SYNE2: variants seen among roughly 807,000 people sequenced by gnomAD.
The protein encoded by SYNE2 is spectrin repeat containing nuclear envelope protein 2.
SYNE2 carries 431 observed loss-of-function variants against 856.3 expected under a neutral mutation model. The ratio of observed to expected loss-of-function variants is 0.50; its 90% CI spans 0.47 to 0.55. SYNE2 has a LOEUF of 0.55. Among genes scored for constraint, SYNE2 ranks in the 20% least tolerant of loss-of-function variants. SYNE2 has a pLI of 0.00. For missense variants in SYNE2, 8,129 were observed against 8,023.2 expected (o/e 1.01, Z -0.50); for synonymous variants, 2,923 against 2,872.3 (o/e 1.02, Z -0.56).
In SYNE2 at chr14:63,986,622, G is replaced by A; in HGVS notation, c.2313+5G>A. 1 of 1,613,866 alleles carries A rather than the reference G, an allele frequency of 6.2e-7. No individual in the cohort carries two copies. The highest frequency in any genetic ancestry group is 8.5e-7 in the Non-Finnish European group (1 of 1,179,824). Reference sequence around the variant, plus strand: ...TCAATGGAAGAATCTTTGAAGGTATGTGTGTAAAAGTATTAAGAGGGTACT... The same window carrying A: ...TCAATGGAAGAATCTTTGAAGGTATATGTGTAAAAGTATTAAGAGGGTACT... On this transcript the variant is annotated splice_donor_5th_base_variant and intron_variant, in intron 19 of 115. Coordinates refer to ENST00000555002, the MANE Select transcript of SYNE2 (RefSeq NM_182914.3).
In SYNE2 at chr14:64,051,620, A is replaced by G. The variant is rs762628985; in HGVS notation, c.7707A>G (p.Lys2569=). The change falls in exon 48 of 116, where the codon AAA becomes AAG. Residue 2569 remains lysine, a synonymous_variant. Transcript: ENST00000555002. ...AAAAATTCATAGCATCCATAGAAAA[A>G]GAGAAAGATTCTTTAGGCAACTTGA... ...KIKKFIASIE[K]EKDSLGNLKI... is the part of the protein sequence containing the mutation. 35 of 1,613,842 alleles carry G rather than the reference A, an allele frequency of 2.2e-5. No individual in the cohort carries two copies. Among genetic ancestry groups the G allele is most frequent in the Non-Finnish European group, 2.8e-5 (33 of 1,179,952 alleles).
chr14:64,106,312 G>A (rs1004452393), intron 64 of SYNE2, among the ~76,000 whole-genome samples: 4 of 152,052 alleles, frequency 2.6e-5, no homozygotes, highest in African/African-American at 4.8e-5. Flanking sequence ...GTTTTTCTAT[G>A]TAGGGGTTGA....
At chr14:63,919,972 G>GTTTTTTGTT (rs2095577746) in intron 2 of SYNE2, among the ~76,000 whole-genome samples, 2 of 110,620 alleles carry the variant, frequency 1.8e-5, no homozygotes, top group African/African-American at 7.7e-5. Flanking sequence ...TAAAAGGTAA[G>GTTTTTTGTT]TTTTTTTTTT....
chr14:63,892,830 A>G (rs1181425940), intron 1 of SYNE2, among the ~76,000 whole-genome samples: 1 of 151,558 alleles, frequency 6.6e-6, no homozygotes, highest in East Asian at 1.9e-4. Context: ...TCAGCCTCCC[A>G]AGTAGCTGGC....
At chr14:64,038,122 C>T (rs1389729294) in intron 45 of SYNE2, among the ~76,000 whole-genome samples, 19 of 152,016 alleles carry the variant, frequency 1.2e-4, no homozygotes, top group Middle Eastern at 3.4e-3. Context: ...ATCTCCCAGA[C>T]GGGGTCCCGG....
At position 64,048,111 on chromosome 14, in the gene SYNE2, G is replaced by T; in HGVS notation, c.7333G>T (p.Glu2445Ter). 2 of 1,613,538 alleles carry T rather than the reference G, an allele frequency of 1.2e-6. No homozygotes were observed. The highest frequency in any genetic ancestry group is 8.5e-7 in the Non-Finnish European group (1 of 1,179,694). ...KVNELQNQPL[E>*]LDTMLRNEQL... ...CAATGAGCTGCAAAATCAACCTTTAGAATTAGATACTATGTTAAGAAATGA... is the reference window on the plus strand; with the variant it reads ...CAATGAGCTGCAAAATCAACCTTTATAATTAGATACTATGTTAAGAAATGA... Residue 2445 changes from glutamate to a stop codon, truncating the protein, a stop_gained, in exon 46 of 116, where the codon GAA becomes TAA. Transcript: ENST00000555002. LOFTEE classifies it high-confidence loss of function.
Position 64,030,134 on chromosome 14 carries a change from G to A in SYNE2, c.6879+75G>A. ...GTTAATTACAGTGTGATTAATCAGT[G>A]TCCTCTGTCAGAAATTCCAGTGGTA... On this transcript the variant is annotated intron_variant, in intron 44 of 115. Transcript: ENST00000555002. 3 of 1,442,566 alleles carry A rather than the reference G, an allele frequency of 2.1e-6. No individual in the cohort carries two copies. In the South Asian group the frequency reaches 3.6e-5, roughly 17 times the overall value. 89.4% of individuals were successfully genotyped at this position (1,442,566 alleles called of 1,614,324 possible). A position where few individuals can be genotyped will look rare whatever the true frequency, so the allele number is the denominator to read the frequency against.
At chr14:63,835,908 G>A (rs1432502676) in intron 1 of SYNE2, among the ~76,000 whole-genome samples, 3 of 151,386 alleles carry the variant, frequency 2.0e-5, no homozygotes, top group South Asian at 2.1e-4. Context: ...ACTTAAACCT[G>A]GGAGGCAGAG....
intron 56 of SYNE2, 103 bp downstream of exon 56, chr14:64,080,741 A>G: frequency 6.9e-7 from 1 of 1,449,386 alleles, no homozygotes; most frequent in East Asian, 2.4e-5. Flanking sequence ...TTGAATTATC[A>G]GTTTTGGACT....
rs2097394043 is a variant in SYNE2 at position 64,070,143 on chromosome 14, AC to A, written c.10432-501del. Among the ~76,000 whole-genome samples, 4 of 152,290 alleles carry A rather than the reference AC, an allele frequency of 2.6e-5. No homozygotes were observed. The South Asian group carries it at 8.3e-4, about 32-fold the overall frequency. On this transcript the variant is annotated intron_variant, in intron 51 of 115. Coordinates refer to ENST00000555002, the MANE Select transcript of SYNE2 (RefSeq NM_182914.3). ...GTACACCACTATTGATAAATACTTCACTGGTTTGGTAATTCTGGCTGCTTTA... is the reference window on the plus strand; with the variant it reads ...GTACACCACTATTGATAAATACTTCATGGTTTGGTAATTCTGGCTGCTTTA...
chr14:64,087,091 G>A, intron 57 of SYNE2, among the ~76,000 whole-genome samples: 1 of 4,922 alleles, frequency 2.0e-4, no homozygotes, highest in South Asian at 4.3e-3. Context: ...AGTGATAATT[G>A]GTAAAAAAAA....
chr14:64,215,575 C>T (rs969767401), intron 107 of SYNE2: 29 of 621,986 alleles, frequency 4.7e-5, no homozygotes, highest in Non-Finnish European at 7.4e-5. Context: ...ACCCCCTCTC[C>T]TCCCTTCAGG....
chr14:63,864,950 T>C (rs1275551882), intron 1 of SYNE2, among the ~76,000 whole-genome samples: 1 of 151,846 alleles, frequency 6.6e-6, no homozygotes, highest in East Asian at 1.9e-4. Flanking sequence ...TATAGTGTAG[T>C]GGTTAAAAGC....
chr14:63,775,931 C>T (rs139893611), intron 1 of SYNE2, among the ~76,000 whole-genome samples: 7 of 152,150 alleles, frequency 4.6e-5, no homozygotes, highest in African/African-American at 7.2e-5. Flanking sequence ...TACCATTAGA[C>T]GCATACAGAG....
chr14:64,141,411 T>G lies in SYNE2; in HGVS notation c.15047T>G (p.Leu5016Arg). ...GTTATCAGTATCGGGAACCAGCTTC[T>G]TCACCTGAAAGAAACTGATACAGCT... Reference protein sequence around the residue: ...TAVISIGNQLLHLKETDTATL... With the variant: ...TAVISIGNQLRHLKETDTATL... Residue 5016 changes from leucine to arginine, a missense_variant, in exon 81 of 116, where the codon CTT becomes CGT. Physicochemically the swap from Leu to Arg is moderately radical, Grantham distance 102. Around this residue, in one of 3 missense-constraint regions of SYNE2, gnomAD observed 5,410 missense variants for 5,284.8 expected, o/e 1.02. Coordinates refer to ENST00000555002, the MANE Select transcript of SYNE2 (RefSeq NM_182914.3). The G allele has an allele frequency of 6.2e-7, 1 of 1,614,114 alleles. No homozygotes were observed. Among genetic ancestry groups the G allele is most frequent in the Non-Finnish European group, 8.5e-7 (1 of 1,179,980 alleles).
chr14:64,099,017 G>A, intron 63 of SYNE2, 196 bp downstream of exon 63: 1 of 596,430 alleles, frequency 1.7e-6, no homozygotes, highest in Admixed American at 2.5e-5. Context: ...GTAAGAGTGA[G>A]ATGAATGTAA....
chr14:64,043,972 C>G (rs541928378), intron 45 of SYNE2, among the ~76,000 whole-genome samples: 1 of 152,344 alleles, frequency 6.6e-6, no homozygotes, highest in South Asian at 2.1e-4. Context: ...ATCCTCCCAC[C>G]TCAGCCTCCT....
intron 111 of SYNE2, 59 bp from the exon 112 acceptor site, chr14:64,221,517 G>T: frequency 1.2e-6 from 2 of 1,614,162 alleles, no homozygotes; most frequent in African/African-American, 1.3e-5. Context: ...CCATGTTCCT[G>T]GCACACCCTC....
At chr14:63,894,987 C>A (rs1156761215) in intron 1 of SYNE2, among the ~76,000 whole-genome samples, 2 of 152,158 alleles carry the variant, frequency 1.3e-5, no homozygotes. Context: ...AGCATGTTGT[C>A]TACAAATTAG....
Sources: gnomAD v4.1 joint callset for allele counts (sites outside exome capture counted in the v4.1 genomes callset) on GRCh38, gnomAD v4.1.1 for gene constraint, gnomAD v4.1.1 regional missense constraint, MANE v1.5 for transcripts, NCBI Gene and HGNC (gene_info 2026-07-23, HGNC 2026-07-21) for gene names.